SPP1: variants seen among roughly 807,000 people sequenced by gnomAD.
SPP1 encodes osteopontin.
SPP1 carries 18 observed loss-of-function variants against 20.8 expected under a neutral mutation model. The observed-to-expected ratio is 0.87, with a 90% CI of 0.60 to 1.29. The LOEUF is 1.29. Ranked by LOEUF, SPP1 falls within the 50% of genes most tolerant of loss-of-function variation. SPP1 has a pLI of 0.00. For missense variants in SPP1, 363 were observed against 389.0 expected (o/e 0.93, Z 0.56); for synonymous variants, 146 against 141.5 (o/e 1.03, Z -0.23).
chr4:87,978,993 C>T lies in SPP1; in HGVS notation c.94-1053C>T, dbSNP rs190293072. On this transcript the variant is annotated intron_variant, in intron 3 of 6. Transcript: ENST00000395080. ...TTATCAGTATTTTCCAGATAAATAACTTGGCTAAAGAAAAATCCATTTCAT... is the reference window on the plus strand; with the variant it reads ...TTATCAGTATTTTCCAGATAAATAATTTGGCTAAAGAAAAATCCATTTCAT... Among the ~76,000 whole-genome samples, 602 of 152,216 alleles carry T rather than the reference C, an allele frequency of 4.0e-3. 5 individuals are homozygous for T. Among genetic ancestry groups the T allele is most frequent in the South Asian group, 0.035 (169 of 4,816 alleles).
chr4:87,976,647 G>A (rs939124341), intron 1 of SPP1, among the ~76,000 whole-genome samples: 5 of 152,124 alleles, frequency 3.3e-5, no homozygotes, highest in Non-Finnish European at 7.4e-5. Flanking sequence ...AATAAATACA[G>A]ACTTGCAAAA....
chr4:87,979,557 G>C (rs1725563364), intron 3 of SPP1, among the ~76,000 whole-genome samples: 1 of 152,110 alleles, frequency 6.6e-6, no homozygotes, highest in South Asian at 2.1e-4. Context: ...GTTCCTTCTT[G>C]TTCCATGGAC....
rs770263647 is a variant in SPP1, at chr4:87,981,467, A to AT, written c.217-4dup. 5.0e-6 allele frequency: 8 copies of AT among 1,608,812 alleles called. No individual in the cohort carries two copies. The highest frequency in any genetic ancestry group is 5.9e-6 in the Non-Finnish European group (7 of 1,177,216). The stretch of plus-strand genomic sequence containing the variant: ...TATATTAATTTTCCCGGCCATCTTA[A>AT]TTTTCAGACCCTTCCAAGTAAGTCC... On this transcript the variant is annotated splice_polypyrimidine_tract_variant and splice_region_variant and intron_variant, in intron 5 of 6. Transcript: ENST00000395080.
intron 6 of SPP1, 21 bp downstream of exon 6, chr4:87,981,819 A>G (rs747984095): frequency 3.1e-6 from 5 of 1,605,766 alleles, no homozygotes; most frequent in Non-Finnish European, 4.3e-6. Context: ...TAACAGACAC[A>G]CCTGATGGTT....
At chr4:87,981,112 C>T (rs571016052) in intron 5 of SPP1, among the ~76,000 whole-genome samples, 10 of 152,154 alleles carry the variant, frequency 6.6e-5, no homozygotes, top group Admixed American at 5.2e-4. Flanking sequence ...AATAAAAAAA[C>T]CAGTCTCATA....
intron 1 of SPP1, among the ~76,000 whole-genome samples, chr4:87,976,411 C>A (rs543797899): frequency 2.0e-5 from 3 of 152,124 alleles, no homozygotes; most frequent in Non-Finnish European, 2.9e-5. Flanking sequence ...ACCTAAGTAG[C>A]ACCTACTTGA....
At chr4:87,977,618 AAACAT>A (rs1725433682) in intron 3 of SPP1, 2 of 1,093,254 alleles carry the variant, frequency 1.8e-6, no homozygotes, top group East Asian at 7.3e-5. Context: ...TTTTCTAACC[AAACAT>A]AAGACCAACC....
In SPP1 at chr4:87,976,887, C is replaced by T. The variant is rs748363328; in HGVS notation, c.-9C>T. 3 of 1,611,792 alleles carry T rather than the reference C, an allele frequency of 1.9e-6. No individual in the cohort carries two copies. Among genetic ancestry groups the T allele is most frequent in the Non-Finnish European group, 1.7e-6 (2 of 1,178,150 alleles). On this transcript the variant is annotated 5_prime_UTR_variant, in exon 2 of 7. Coordinates refer to ENST00000395080, the MANE Select transcript of SPP1 (RefSeq NM_001040058.2). ...CCTTATGAAATATTTTGCAGGAAAA[C>T]TCACTACCATGAGAATTGCAGTGAT... is the stretch of plus-strand genomic sequence containing the variant.
chr4:87,981,505 G>A lies in SPP1; in HGVS notation c.247G>A (p.Asp83Asn), dbSNP rs748719486. The A allele has an allele frequency of 9.3e-6, 15 of 1,614,072 alleles. No individual in the cohort carries two copies. The highest frequency in any genetic ancestry group is 4.4e-5 in the South Asian group (4 of 91,042). Residue 83 changes from aspartate to asparagine, a missense_variant, in exon 6 of 7, where the codon GAC becomes AAC. Transcript: ENST00000395080. ...TLPSKSNESH[D>N]HMDDMDDEDD... ...TCCAAGTAAGTCCAACGAAAGCCATGACCACATGGATGATATGGATGATGA... is the reference window on the plus strand; with the variant it reads ...TCCAAGTAAGTCCAACGAAAGCCATAACCACATGGATGATATGGATGATGA...
intron 4 of SPP1, 101 bp downstream of exon 4, chr4:87,980,227 A>G: frequency 1.3e-6 from 2 of 1,482,448 alleles, no homozygotes; most frequent in African/African-American, 1.4e-5. Context: ...GCTGGCAAAC[A>G]TGTGCTTAGG....
intron 3 of SPP1, among the ~76,000 whole-genome samples, chr4:87,979,132 G>C (rs1230626754): frequency 2.0e-5 from 3 of 151,070 alleles, no homozygotes; most frequent in Non-Finnish European, 4.4e-5. Context: ...ATGTGGGCTA[G>C]TGCAACTGAG....
intron 6 of SPP1, among the ~76,000 whole-genome samples, chr4:87,982,283 G>C (rs1000203079): frequency 6.6e-5 from 10 of 152,016 alleles, no homozygotes; most frequent in African/African-American, 2.2e-4. Flanking sequence ...CATTACATAT[G>C]TAAGTGATGT....
At chr4:87,982,203 T>A (rs1725677304) in intron 6 of SPP1, among the ~76,000 whole-genome samples, 1 of 152,156 alleles carries the variant, frequency 6.6e-6, no homozygotes, top group African/African-American at 2.4e-5. Context: ...CTATTCTCTT[T>A]ACTTTTTAAC....
chr4:87,977,098 G>T lies in SPP1; in HGVS notation c.93+1G>T. The T allele has an allele frequency of 6.2e-7, 1 of 1,613,160 alleles. No homozygotes were observed. On this transcript the variant is annotated splice_donor_variant, in intron 3 of 6. Transcript: ENST00000395080. LOFTEE classifies it high-confidence loss of function. ...TTCTGGAAGTTCTGAGGAAAAGCAG[G>T]TAAGCATCTTTTATGTTTTTATATA...
At chr4:87,978,934 C>G (rs748465934) in intron 3 of SPP1, among the ~76,000 whole-genome samples, 25 of 152,264 alleles carry the variant, frequency 1.6e-4, no homozygotes, top group Non-Finnish European at 2.6e-4. Flanking sequence ...ATGATACTTA[C>G]TCAGAGCAAT....
rs181455943 is a variant in SPP1 at position 87,980,499 on chromosome 4, G to C, written c.216+65G>C. The C allele has an allele frequency of 1.6e-4, 253 of 1,550,574 alleles. 1 individual carries two copies. In the African/African-American group the frequency reaches 2.9e-3, roughly 18 times the overall value. On this transcript the variant is annotated intron_variant, in intron 5 of 6. Coordinates refer to ENST00000395080, the MANE Select transcript of SPP1 (RefSeq NM_001040058.2). ...AAGAGATGAAAGAAGGCATTGCCTG[G>C]ATTCTCTTCTGATGAAATTTCATTA...
At position 87,982,602 on chromosome 4, in the gene SPP1, G is replaced by A. The variant is rs375890642; in HGVS notation, c.651G>A (p.Trp217Ter). Residue 217 changes from tryptophan (W) to a stop codon, truncating the protein, a stop_gained, in exon 7 of 7, where the codon TGG becomes TGA. Coordinates refer to ENST00000395080, the MANE Select transcript of SPP1 (RefSeq NM_001040058.2). LOFTEE classifies it low-confidence loss of function (END_TRUNC). Reference sequence around the variant, plus strand: ...AGGACCTGAACGCGCCTTCTGATTGGGACAGCCGTGGGAAGGACAGTTATG... The same window carrying A: ...AGGACCTGAACGCGCCTTCTGATTGAGACAGCCGTGGGAAGGACAGTTATG... ...VAQDLNAPSD[W>*]DSRGKDSYET... The A allele has an allele frequency of 4.3e-6, 7 of 1,613,950 alleles. No homozygotes were observed. Among genetic ancestry groups the A allele is most frequent in the Non-Finnish European group, 5.9e-6 (7 of 1,180,032 alleles).
intron 1 of SPP1, among the ~76,000 whole-genome samples, chr4:87,976,577 G>C (rs762151887): frequency 9.2e-5 from 14 of 152,062 alleles, no homozygotes; most frequent in Non-Finnish European, 1.9e-4. Flanking sequence ...TGTAGGTTTA[G>C]AGAGCTAGAT....
Position 87,982,589 on chromosome 4 carries a change from C to T in SPP1, c.638C>T (p.Ala213Val), listed in dbSNP as rs1263552254. Residue 213 changes from alanine (A) to valine (V), a missense_variant, in exon 7 of 7, where the codon GCG (alanine) becomes GTG (valine). Ala to Val is a moderately conservative substitution (Grantham distance 64, BLOSUM62 0). Coordinates refer to ENST00000395080, the MANE Select transcript of SPP1 (RefSeq NM_001040058.2). ...ATCCCCGTTGCCCAGGACCTGAACG[C>T]GCCTTCTGATTGGGACAGCCGTGGG... ...KAIPVAQDLN[A>V]PSDWDSRGKD... is the part of the protein sequence containing the mutation. The T allele has an allele frequency of 5.6e-6, 9 of 1,614,012 alleles. No individual in the cohort carries two copies. Among genetic ancestry groups the T allele is most frequent in the Middle Eastern group, 1.6e-4 (1 of 6,084 alleles).
Sources: gnomAD v4.1 joint callset for allele counts (sites outside exome capture counted in the v4.1 genomes callset) on GRCh38, gnomAD v4.1.1 for gene constraint, MANE v1.5 for transcripts, NCBI Gene and HGNC (gene_info 2026-07-23, HGNC 2026-07-21) for gene names.